Variants in PDE4D observed in about 807,000 individuals in gnomAD.
PDE4D encodes the protein phosphodiesterase 4D, also known as 3',5'-cyclic-AMP phosphodiesterase 4D.
A neutral mutation model predicts 87.4 loss-of-function variants in PDE4D; 24 were observed. The ratio of observed to expected loss-of-function variants is 0.27; its 90% CI spans 0.20 to 0.39. The LOEUF (loss-of-function observed/expected upper bound fraction) is 0.39. PDE4D is among the 10% of genes least tolerant of loss of function. The pLI is 1.00. For missense variants in PDE4D, 714 were observed against 1,041.0 expected (o/e 0.69, Z 4.32); for synonymous variants, 384 against 383.2 (o/e 1.00, Z -0.02).
chr5:59,082,126 G>A (rs1273439942), intron 5 of PDE4D, among the ~76,000 whole-genome samples: 1 of 152,086 alleles, frequency 6.6e-6, no homozygotes, highest in Non-Finnish European at 1.5e-5. Context: ...CCAGTCTAGG[G>A]TATTTCTTCA....
intron 2 of PDE4D, among the ~76,000 whole-genome samples, chr5:60,168,738 T>A (rs970707520): frequency 6.6e-6 from 1 of 152,204 alleles, no homozygotes; most frequent in Admixed American, 6.5e-5. Flanking sequence ...TGTATTTTTT[T>A]AGGAAATAAT....
chr5:59,316,843 C>T (rs1214183124), intron 1 of PDE4D, among the ~76,000 whole-genome samples: 1 of 152,150 alleles, frequency 6.6e-6, no homozygotes, highest in Non-Finnish European at 1.5e-5. Flanking sequence ...TTCTTCACCT[C>T]TATGAAAATA....
intron 6 of PDE4D, among the ~76,000 whole-genome samples, chr5:59,021,416 G>A (rs1358188815): frequency 6.6e-6 from 1 of 152,172 alleles, no homozygotes; most frequent in African/African-American, 2.4e-5. Flanking sequence ...CACTCTGTAA[G>A]CTTTCTCCCA....
rs1748723867 is a variant in PDE4D, at chr5:59,679,931, T to C, written c.455+213237A>G. Among the ~76,000 whole-genome samples the C allele has an allele frequency of 2.0e-5, 3 of 152,076 alleles. No homozygotes were observed. The South Asian group carries it at 6.2e-4, about 31-fold the overall frequency. Reference sequence around the variant, plus strand: ...AGATAATTTTCTCTCAAGACATAAATATTATCAGGTTTCTCTATTTGCTGT... The same window carrying C: ...AGATAATTTTCTCTCAAGACATAAACATTATCAGGTTTCTCTATTTGCTGT... On this transcript the variant is annotated intron_variant, in intron 1 of 14. Coordinates refer to ENST00000340635, the MANE Select transcript of PDE4D (RefSeq NM_001104631.2).
intron 1 of PDE4D, among the ~76,000 whole-genome samples, chr5:59,446,586 G>A (rs996515552): frequency 6.6e-6 from 1 of 152,200 alleles, no homozygotes; most frequent in African/African-American, 2.4e-5. Context: ...TTCAACAGAT[G>A]GAGATTTGTC....
chr5:59,011,056 C>A (rs779965075), intron 6 of PDE4D, among the ~76,000 whole-genome samples: 1 of 152,114 alleles, frequency 6.6e-6, no homozygotes, highest in Non-Finnish European at 1.5e-5. Flanking sequence ...CCAGCAAACT[C>A]GAACAGACCC....
At chr5:59,507,679 A>AAAAAAAAAAGAAAAG (rs61334148) in intron 1 of PDE4D, among the ~76,000 whole-genome samples, 67 of 118,658 alleles carry the variant, frequency 5.6e-4, no homozygotes, top group African/African-American at 1.1e-3. Context: ...AAAAAAAAAA[A>AAAAAAAAAAGAAAAG]AAAAGAAAAG....
intron 1 of PDE4D, among the ~76,000 whole-genome samples, chr5:60,207,315 A>G (rs1021601647): frequency 6.6e-6 from 1 of 152,234 alleles, no homozygotes; most frequent in African/African-American, 2.4e-5. Flanking sequence ...TGAGGCTTTG[A>G]GTGCCTTGCT....
chr5:59,514,262 C>T (rs1347516953), intron 1 of PDE4D, among the ~76,000 whole-genome samples: 14 of 152,052 alleles, frequency 9.2e-5, no homozygotes, highest in Admixed American at 5.2e-4. Context: ...CCCGCCACCA[C>T]GCCCAGCTAA....
chr5:59,162,981 T>C (rs2153466279), intron 5 of PDE4D, among the ~76,000 whole-genome samples: 1 of 151,876 alleles, frequency 6.6e-6, no homozygotes, highest in South Asian at 2.1e-4. Flanking sequence ...TCTTGCTCTG[T>C]CACCCAGGTT....
intron 1 of PDE4D, among the ~76,000 whole-genome samples, chr5:59,879,196 G>A (rs1481120660): frequency 3.9e-5 from 6 of 152,038 alleles, no homozygotes; most frequent in Non-Finnish European, 7.4e-5. Context: ...CACCGCGCCC[G>A]GCCCTACCAA....
chr5:59,173,524 C>T (rs772874274), intron 5 of PDE4D, among the ~76,000 whole-genome samples: 16 of 152,140 alleles, frequency 1.1e-4, no homozygotes, highest in Non-Finnish European at 1.9e-4. Context: ...AAGTAAACTC[C>T]TTCAGCTTAA....
chr5:59,427,569 C>T (rs1030456009), intron 1 of PDE4D, among the ~76,000 whole-genome samples: 3 of 152,050 alleles, frequency 2.0e-5, no homozygotes, highest in Non-Finnish European at 2.9e-5. Flanking sequence ...CTTGATTGCT[C>T]ATGCCTGTAA....
In PDE4D at chr5:59,618,260, A is replaced by G. The variant is rs570677129; in HGVS notation, c.455+274908T>C. ...GGCAGACATCCTTTTAAAAGATGATATATCAGATATGAGCTGGAACATGAG... is the reference window on the plus strand; with the variant it reads ...GGCAGACATCCTTTTAAAAGATGATGTATCAGATATGAGCTGGAACATGAG... On this transcript the variant is annotated intron_variant, in intron 1 of 14. Coordinates refer to ENST00000340635, the MANE Select transcript of PDE4D (RefSeq NM_001104631.2). Among the ~76,000 whole-genome samples the G allele has an allele frequency of 4.7e-4, 71 of 152,284 alleles. 1 individual carries two copies. The highest frequency in any genetic ancestry group is 1.5e-3 in the African/African-American group (62 of 41,578).
At position 60,031,949 on chromosome 5, in the gene PDE4D, T is replaced by G. The variant is rs373194109; in HGVS notation, c.43-43232A>C. 3.3e-5 allele frequency among the ~76,000 whole-genome samples: 5 copies of G among 152,310 alleles called. No homozygotes were observed. In the South Asian group the frequency reaches 1.0e-3, roughly 32 times the overall value. On this transcript the variant is annotated intron_variant, in intron 2 of 16. Transcript: ENST00000502484. ...TTACAAGAATAATTAAAATCAGCTTTGTTTTCTAGCTATTATCTTAAGAAG... is the reference window on the plus strand; with the variant it reads ...TTACAAGAATAATTAAAATCAGCTTGGTTTTCTAGCTATTATCTTAAGAAG...
intron 1 of PDE4D, among the ~76,000 whole-genome samples, chr5:59,659,587 A>G (rs946216339): frequency 6.6e-6 from 1 of 152,250 alleles, no homozygotes; most frequent in Non-Finnish European, 1.5e-5. Flanking sequence ...TCTTAAGGAC[A>G]GTCTATTCAA....
At chr5:59,513,155 C>A (rs1283375852) in intron 1 of PDE4D, among the ~76,000 whole-genome samples, 2 of 152,026 alleles carry the variant, frequency 1.3e-5, no homozygotes. Flanking sequence ...GTTTACAGTG[C>A]AGCTATTTAA....
chr5:59,030,422 CAAAAAAA>C (rs373275661), intron 6 of PDE4D, among the ~76,000 whole-genome samples: 15 of 58,302 alleles, frequency 2.6e-4, no homozygotes, highest in Admixed American at 8.6e-4. Flanking sequence ...AACAGAGATA[CAAAAAAA>C]AAAAAAAAAA....
intron 5 of PDE4D, among the ~76,000 whole-genome samples, chr5:59,095,065 T>C (rs1769446978): frequency 6.6e-6 from 1 of 152,046 alleles, no homozygotes; most frequent in East Asian, 1.9e-4. Flanking sequence ...ATGGGCAAGA[T>C]GCCATGAGAA....
Sources: gnomAD v4.1 joint callset for allele counts (sites outside exome capture counted in the v4.1 genomes callset) on GRCh38, gnomAD v4.1.1 for gene constraint, MANE v1.5 for transcripts, NCBI Gene and HGNC (gene_info 2026-07-23, HGNC 2026-07-21) for gene names.